CHD1: variants seen among roughly 807,000 people sequenced by gnomAD.
CHD1 encodes the protein chromodomain helicase DNA binding protein 1, also known as ATP-dependent chromatin remodeler CHD1.
CHD1 carries 36 observed loss-of-function variants against 224.2 expected under a neutral mutation model. That is an observed-to-expected ratio of 0.16 (90% CI 0.12 to 0.21). CHD1 has a LOEUF of 0.21. Ranked by LOEUF, CHD1 falls within the 10% of genes least tolerant of loss-of-function variation. The pLI, the probability that CHD1 is intolerant of heterozygous loss-of-function variation, is 1.00. For missense variants in CHD1, 1,378 were observed against 1,994.8 expected, an observed-to-expected ratio of 0.69 and a Z score of 5.89; for synonymous variants, 668 against 658.3, an observed-to-expected ratio of 1.01 and a Z score of -0.23.
intron 15 of CHD1, among the ~76,000 whole-genome samples, chr5:98,890,607 T>A (rs1750950379): frequency 6.6e-6 from 1 of 152,228 alleles, no homozygotes; most frequent in Non-Finnish European, 1.5e-5. Flanking sequence ...CTTCCTACTT[T>A]GACTTTTCTT....
At chr5:98,882,856 CTA>C (rs1252896365) in intron 19 of CHD1, among the ~76,000 whole-genome samples, 1 of 152,118 alleles carries the variant, frequency 6.6e-6, no homozygotes, top group Non-Finnish European at 1.5e-5. Flanking sequence ...ATAGTTACGA[CTA>C]GAATACGGGA....
chr5:98,915,145 T>C (rs1024921532), intron 2 of CHD1, among the ~76,000 whole-genome samples: 19 of 152,270 alleles, frequency 1.2e-4, no homozygotes, highest in Admixed American at 3.9e-4. Context: ...AATACAAAGT[T>C]TGATGAAATA....
intron 2 of CHD1, among the ~76,000 whole-genome samples, chr5:98,907,442 G>T (rs546607765): frequency 3.2e-4 from 49 of 152,068 alleles, no homozygotes; most frequent in African/African-American, 1.2e-3. Flanking sequence ...TACAAAACTG[G>T]CTGGGCATGG....
intron 2 of CHD1, among the ~76,000 whole-genome samples, chr5:98,924,915 T>C (rs866611528): frequency 8.3e-4 from 126 of 151,544 alleles, no homozygotes; most frequent in African/African-American, 2.9e-3. Context: ...GAGGTGGAGG[T>C]TGCAGTGAGC....
chr5:98,901,831 T>C (rs1309560224), intron 5 of CHD1, among the ~76,000 whole-genome samples: 1 of 151,938 alleles, frequency 6.6e-6, no homozygotes, highest in Non-Finnish European at 1.5e-5. Flanking sequence ...TTTTAGTCTA[T>C]TAAGTCTATT....
intron 3 of CHD1, among the ~76,000 whole-genome samples, chr5:98,904,397 C>T (rs1751917507): frequency 6.6e-6 from 1 of 152,154 alleles, no homozygotes; most frequent in Non-Finnish European, 1.5e-5. Context: ...CTGTATACTA[C>T]CACGAAGTAT....
chr5:98,901,456 C>A, intron 5 of CHD1, 121 bp from the exon 6 acceptor site: 1 of 711,806 alleles, frequency 1.4e-6, no homozygotes, highest in Non-Finnish European at 2.2e-6. Flanking sequence ...TGCTTTTACT[C>A]ATGCTAAAAA....
chr5:98,885,969 C>A, intron 17 of CHD1: 1 of 226,116 alleles, frequency 4.4e-6, no homozygotes, highest in East Asian at 9.9e-5. Flanking sequence ...ACATGATATA[C>A]TATGTTATAC....
rs1303645481 is a variant in CHD1 at position 98,883,029 on chromosome 5, C to T, written c.2718+59G>A. 3.8e-6 allele frequency: 4 copies of T among 1,057,142 alleles called. No individual in the cohort carries two copies. The African/African-American group carries it at 5.0e-5, about 13-fold the overall frequency. 65.5% of individuals were successfully genotyped at this position (1,057,142 alleles called of 1,614,324 possible). On this transcript the variant is annotated intron_variant, in intron 19 of 35. Transcript: ENST00000614616. ...TCTAGAGGATAAACTGAAATCACTT[C>T]CAAAAAAAAAAAAAGAATTCTAAAA...
intron 5 of CHD1, 108 bp downstream of exon 5, chr5:98,902,792 T>C: frequency 1.6e-6 from 1 of 619,926 alleles, no homozygotes; most frequent in Non-Finnish European, 2.8e-6. Context: ...TGCCATGAAC[T>C]AAGAATTTAG....
At chr5:98,904,790 A>G (rs958946571) in intron 3 of CHD1, 107 bp downstream of exon 3, 2 of 992,476 alleles carry the variant, frequency 2.0e-6, no homozygotes, top group Non-Finnish European at 3.1e-6. Context: ...TTAATTTAAA[A>G]TGTTGTCTTC....
chr5:98,898,005 C>T (rs979299081), intron 10 of CHD1, among the ~76,000 whole-genome samples: 3 of 151,934 alleles, frequency 2.0e-5, no homozygotes, highest in African/African-American at 4.8e-5. Flanking sequence ...AAAGACAACA[C>T]TTAAGAAGAT....
intron 2 of CHD1, among the ~76,000 whole-genome samples, chr5:98,916,408 GGTAGTGCATGCCT>G (rs1474227857): frequency 6.6e-6 from 1 of 151,394 alleles, no homozygotes; most frequent in Non-Finnish European, 1.5e-5. Context: ...AGCCAGGTGT[GGTAGTGCATGCCT>G]GTAGTCCCAG....
intron 2 of CHD1, among the ~76,000 whole-genome samples, chr5:98,906,850 T>C (rs768068484): frequency 6.6e-6 from 1 of 152,260 alleles, no homozygotes; most frequent in Non-Finnish European, 1.5e-5. Context: ...GTAGAGATCA[T>C]ACACAGTAAG....
intron 22 of CHD1, among the ~76,000 whole-genome samples, chr5:98,880,723 C>T (rs1253434540): frequency 6.6e-6 from 1 of 152,190 alleles, no homozygotes; most frequent in Non-Finnish European, 1.5e-5. Context: ...ATGTCAAAAA[C>T]TGCTTCAAAA....
At chr5:98,901,109 A>G in intron 6 of CHD1, 27 bp from the exon 7 acceptor site, 1 of 1,566,292 alleles carries the variant, frequency 6.4e-7, no homozygotes, top group Non-Finnish European at 8.6e-7. Flanking sequence ...AGAAAAAAAA[A>G]CAAGATTTGA....
At position 98,883,249 on chromosome 5, in the gene CHD1, T is replaced by C. The variant is rs766995295; in HGVS notation, c.2569-12A>G. 1 of 1,565,162 alleles carries C rather than the reference T, an allele frequency of 6.4e-7. No homozygotes were observed. On this transcript the variant is annotated splice_polypyrimidine_tract_variant and intron_variant, in intron 18 of 35. Transcript: ENST00000614616. The stretch of plus-strand genomic sequence containing the variant: ...AAAAAGCAAAAATCCTGTAAGAAAT[T>C]GAATAATCAAAATGAAAAATTTTTC...
At chr5:98,867,091 A>G (rs543532951) in intron 31 of CHD1, among the ~76,000 whole-genome samples, 2 of 152,312 alleles carry the variant, frequency 1.3e-5, no homozygotes, top group South Asian at 4.1e-4. Flanking sequence ...ACTATTAAGC[A>G]CATACATACT....
chr5:98,856,582 CG>C lies in CHD1; in HGVS notation c.4930del (p.Arg1644GlyfsTer36). The C allele has an allele frequency of 6.2e-7, 1 of 1,613,578 alleles. No individual in the cohort carries two copies. The highest frequency in any genetic ancestry group is 8.5e-7 in the Non-Finnish European group (1 of 1,179,676). Reference protein sequence around the residue: ...HSDHRLHSDHRSSSEYTHHKS... With the variant: ...HSDHRLHSDHXSSSEYTHHKS... ...ATGGTGCGTATATTCAGAACTTGAC[CG>C]GTGGTCTGAATGTAACCGATGATCT... is the stretch of plus-strand genomic sequence containing the variant. On this transcript the variant is annotated frameshift_variant, in exon 36 of 36. Transcript: ENST00000614616. LOFTEE classifies it high-confidence loss of function.
Sources: allele counts gnomAD v4.1 joint callset (sites outside exome capture counted in the v4.1 genomes callset), GRCh38; gene constraint gnomAD v4.1.1; transcripts MANE v1.5; gene names NCBI Gene and HGNC (gene_info 2026-07-23, HGNC 2026-07-21).